SLC71A2: variants seen among roughly 807,000 people sequenced by gnomAD.
SLC71A2 encodes the protein solute carrier family 71 member 2, also known as hippocampus abundant transcript-like 1.
chr9:94,398,508 C>A, the SLC71A2 span, among the ~76,000 whole-genome samples: 1 of 152,146 alleles, frequency 6.6e-6, no homozygotes, highest in African/African-American at 2.4e-5. Context: ...GAAGACCTTC[C>A]TCTGGAGCCT....
the SLC71A2 span, chr9:94,460,754 AT>A: frequency 2.0e-5 from 3 of 152,742 alleles, no homozygotes; most frequent in Admixed American, 6.5e-5. Flanking sequence ...ACAGAAAAAA[AT>A]ATATACAACT....
chr9:94,441,396 G>A, the SLC71A2 span, among the ~76,000 whole-genome samples: 4 of 152,062 alleles, frequency 2.6e-5, no homozygotes, highest in Non-Finnish European at 5.9e-5. Flanking sequence ...AGAGTGAAGG[G>A]GGAGGTGCTA....
At chr9:94,419,541 G>A in the SLC71A2 span, among the ~76,000 whole-genome samples, 3 of 152,002 alleles carry the variant, frequency 2.0e-5, no homozygotes, top group Non-Finnish European at 4.4e-5. Flanking sequence ...TCCTGACCTC[G>A]TGATCCGCCC....
chr9:94,380,289 T>A, the SLC71A2 span, among the ~76,000 whole-genome samples: 4 of 151,318 alleles, frequency 2.6e-5, no homozygotes, highest in Admixed American at 1.3e-4. Flanking sequence ...AAAAGAAATT[T>A]CTCAGTTTCT....
the SLC71A2 span, among the ~76,000 whole-genome samples, chr9:94,456,609 C>G: frequency 7.4e-6 from 1 of 135,352 alleles, no homozygotes; most frequent in African/African-American, 2.6e-5. Flanking sequence ...TTTGATACAT[C>G]TTTTCTTCTT....
At chr9:94,435,577 A>G in the SLC71A2 span, among the ~76,000 whole-genome samples, 2 of 151,134 alleles carry the variant, frequency 1.3e-5, no homozygotes, top group South Asian at 4.2e-4. Context: ...TTGCCATGCT[A>G]TCTTACATTC....
the SLC71A2 span, among the ~76,000 whole-genome samples, chr9:94,441,381 A>G: frequency 0.022 from 3,315 of 152,188 alleles, 119 homozygotes; most frequent in African/African-American, 0.075. Flanking sequence ...GAGCAGGAGG[A>G]AGAGAGAGTG....
chr9:94,401,679 G>T, the SLC71A2 span, among the ~76,000 whole-genome samples: 2 of 152,010 alleles, frequency 1.3e-5, no homozygotes, highest in Non-Finnish European at 2.9e-5. Context: ...GTGTTGATTT[G>T]TCTGGCTCTC....
chr9:94,374,807 G>C, the SLC71A2 span: 1 of 696,002 alleles, frequency 1.4e-6, no homozygotes. Flanking sequence ...GCTGGCGCGG[G>C]CATGGCCGCG....
the SLC71A2 span, among the ~76,000 whole-genome samples, chr9:94,381,946 A>G: frequency 1.1e-4 from 17 of 151,946 alleles, 1 homozygote; most frequent in African/African-American, 1.9e-4. Flanking sequence ...AGCCCTTCCA[A>G]TTGGTCTTTA....
chr9:94,379,737 A>C, the SLC71A2 span, among the ~76,000 whole-genome samples: 25 of 152,296 alleles, frequency 1.6e-4, no homozygotes, highest in Non-Finnish European at 2.8e-4. Context: ...AAAAATATTT[A>C]ATTTTGTAGG....
the SLC71A2 span, chr9:94,441,054 A>T: frequency 6.2e-7 from 1 of 1,611,518 alleles, no homozygotes. Context: ...TTGCCTATGT[A>T]GCTGATGTCA....
At chr9:94,391,323 A>G in the SLC71A2 span, among the ~76,000 whole-genome samples, 9 of 151,002 alleles carry the variant, frequency 6.0e-5, no homozygotes, top group South Asian at 1.9e-3. Context: ...TGATCAGGCC[A>G]CTGCACTCCA....
At chr9:94,398,810 C>A in the SLC71A2 span, among the ~76,000 whole-genome samples, 3 of 127,108 alleles carry the variant, frequency 2.4e-5, no homozygotes, top group Non-Finnish European at 3.3e-5. Context: ...CTTCCCCTCC[C>A]CCCCGTCGCG....
chr9:94,444,905 A>G, the SLC71A2 span: 1 of 1,512,278 alleles, frequency 6.6e-7, no homozygotes, highest in Non-Finnish European at 9.2e-7. Flanking sequence ...GGGTAAGGAT[A>G]TGCTTTCCCC....
At chr9:94,445,128 G>T in the SLC71A2 span, 22 of 1,614,050 alleles carry the variant, frequency 1.4e-5, no homozygotes, top group South Asian at 1.6e-4. Context: ...CTGAGAAAAT[G>T]AGACCGGTTT....
At chr9:94,415,088 T>A in the SLC71A2 span, 8 of 1,173,928 alleles carry the variant, frequency 6.8e-6, no homozygotes, top group Non-Finnish European at 1.0e-5. Flanking sequence ...CACATTTTTT[T>A]CTATACCATT....
chr9:94,444,692 T>C, the SLC71A2 span, among the ~76,000 whole-genome samples: 3 of 152,260 alleles, frequency 2.0e-5, no homozygotes, highest in Admixed American at 6.5e-5. Context: ...TTTTTTACTC[T>C]TGTAGCTCTG....
the SLC71A2 span, among the ~76,000 whole-genome samples, chr9:94,405,094 C>G: frequency 6.6e-6 from 1 of 152,144 alleles, no homozygotes; most frequent in Non-Finnish European, 1.5e-5. Flanking sequence ...TGCTGAAAGA[C>G]TGTCCTTCCT....
Sources: gnomAD v4.1 joint callset for allele counts (sites outside exome capture counted in the v4.1 genomes callset) on GRCh38, gnomAD v4.1.1 for gene constraint, MANE v1.5 for transcripts, NCBI Gene and HGNC (gene_info 2026-07-23, HGNC 2026-07-21) for gene names.